Variants in PTPDC1 observed in about 807,000 individuals in gnomAD.
PTPDC1 encodes the protein protein tyrosine phosphatase domain-containing protein 1.
In PTPDC1, 53 loss-of-function variants were observed where a neutral mutation model predicts 75.3. The observed-to-expected ratio is 0.70, with a 90% CI of 0.56 to 0.88. The LOEUF (loss-of-function observed/expected upper bound fraction) is 0.88. Ranked by LOEUF, PTPDC1 falls within the 40% of genes least tolerant of loss-of-function variation. The pLI is 0.00. For missense variants in PTPDC1, 925 were observed against 998.6 expected (o/e 0.93, Z 0.99); for synonymous variants, 349 against 366.2 (o/e 0.95, Z 0.54).
chr9:94,073,557 A>G (rs1232063309), intron 2 of PTPDC1, among the ~76,000 whole-genome samples: 1 of 152,078 alleles, frequency 6.6e-6, no homozygotes, highest in African/African-American at 2.4e-5. Flanking sequence ...TTCTTATATC[A>G]CTGATTTGCA....
rs748813770 is a variant in PTPDC1, at chr9:94,084,620, A to G, written c.90A>G (p.Pro30=). 6.2e-7 allele frequency: 1 copy of G among 1,613,566 alleles called. No individual in the cohort carries two copies. The highest frequency in any genetic ancestry group is 1.7e-4 in the Middle Eastern group (1 of 6,042). Residue 30 remains proline (P), a synonymous_variant, in exon 1 of 9, where the codon CCA becomes CCG. Coordinates refer to ENST00000620992, the MANE Select transcript of PTPDC1 (RefSeq NM_001253829.2). ...GCCGCCGGCACTCCACCTCAGACCCAGTACTGCGGCTGCAGCAGGCCCGGC... is the reference window on the plus strand; with the variant it reads ...GCCGCCGGCACTCCACCTCAGACCCGGTACTGCGGCTGCAGCAGGCCCGGC... ...LQGRRHSTSD[P]VLRLQQARRG...
intron 8 of PTPDC1, 52 bp from the exon 9 acceptor site, chr9:94,107,776 C>T: frequency 1.0e-6 from 1 of 986,046 alleles, no homozygotes; most frequent in Non-Finnish European, 1.5e-6. Context: ...AAAATAGAAA[C>T]TAGTTCAAAT....
chr9:94,075,747 A>G (rs920868020), intron 2 of PTPDC1, among the ~76,000 whole-genome samples: 2 of 152,230 alleles, frequency 1.3e-5, no homozygotes, highest in Non-Finnish European at 2.9e-5. Flanking sequence ...CTACTTGGAC[A>G]GAAACAGAAG....
At chr9:94,035,796 A>G (rs1249077628) in intron 1 of PTPDC1, among the ~76,000 whole-genome samples, 2 of 152,194 alleles carry the variant, frequency 1.3e-5, no homozygotes, top group African/African-American at 4.8e-5. Context: ...ACCCACCAAC[A>G]GGACACAAGG....
intron 1 of PTPDC1, among the ~76,000 whole-genome samples, chr9:94,054,126 G>A (rs1825864550): frequency 6.6e-6 from 1 of 152,196 alleles, no homozygotes; most frequent in Non-Finnish European, 1.5e-5. Context: ...TTACATTCCG[G>A]TAGGACAAGG....
At chr9:94,048,050 C>A (rs959473420) in intron 1 of PTPDC1, among the ~76,000 whole-genome samples, 1 of 151,680 alleles carries the variant, frequency 6.6e-6, no homozygotes, top group African/African-American at 2.4e-5. Context: ...AAGAGGGAAT[C>A]CTCCCTTTAT....
At position 94,097,677 on chromosome 9, in the gene PTPDC1, T is replaced by C; in HGVS notation, c.1111T>C (p.Ser371Pro). 1 of 1,614,184 alleles carries C rather than the reference T, an allele frequency of 6.2e-7. No homozygotes were observed. Among genetic ancestry groups the C allele is most frequent in the South Asian group, 1.1e-5 (1 of 91,082 alleles). Reference protein sequence around the residue: ...MKDVSEGPGLSAEIEKTMSEM... With the variant: ...MKDVSEGPGLPAEIEKTMSEM... ...GGATGTGTCCGAAGGACCTGGTCTCTCTGCTGAAATAGAAAAGACAATGTC... is the reference window on the plus strand; with the variant it reads ...GGATGTGTCCGAAGGACCTGGTCTCCCTGCTGAAATAGAAAAGACAATGTC... Residue 371 changes from serine (S) to proline (P), a missense_variant, in exon 6 of 9, where the codon TCT becomes CCT. Transcript: ENST00000620992.
At chr9:94,087,490 A>C (rs1827118169) in intron 2 of PTPDC1, among the ~76,000 whole-genome samples, 1 of 152,244 alleles carries the variant, frequency 6.6e-6, no homozygotes, top group African/African-American at 2.4e-5. Flanking sequence ...AAAGCAGATA[A>C]ATAAGAATAA....
intron 8 of PTPDC1, among the ~76,000 whole-genome samples, chr9:94,106,936 G>GGTTT (rs112737054): frequency 0.053 from 8,086 of 151,334 alleles, 316 homozygotes; most frequent in African/African-American, 0.12. Flanking sequence ...ATCAAGGTGG[G>GGTTT]GTTTGTTTGT....
At chr9:94,041,252 T>C (rs1587837632) in intron 1 of PTPDC1, among the ~76,000 whole-genome samples, 1 of 152,332 alleles carries the variant, frequency 6.6e-6, no homozygotes, top group Middle Eastern at 3.4e-3. Context: ...CTCTCTGTGA[T>C]TAGTTGCATT....
At chr9:94,058,738 G>A (rs1050179846) in intron 1 of PTPDC1, among the ~76,000 whole-genome samples, 6 of 150,142 alleles carry the variant, frequency 4.0e-5, no homozygotes, top group South Asian at 4.2e-4. Context: ...TAAAAACCCC[G>A]GACATTTTGG....
chr9:94,106,982 C>G (rs569868192), intron 8 of PTPDC1, among the ~76,000 whole-genome samples: 1 of 151,960 alleles, frequency 6.6e-6, no homozygotes, highest in African/African-American at 2.4e-5. Flanking sequence ...GAGACAAGGT[C>G]TCACTCTGTC....
At chr9:94,066,827 C>G (rs1025611083) in intron 2 of PTPDC1, among the ~76,000 whole-genome samples, 1 of 150,822 alleles carries the variant, frequency 6.6e-6, no homozygotes, top group Non-Finnish European at 1.5e-5. Context: ...CAAACTGCTG[C>G]GATTACAGAA....
In PTPDC1 at chr9:94,046,116, G is replaced by T. The variant is rs534958710; in HGVS notation, c.-7+14989G>T. On this transcript the variant is annotated intron_variant, in intron 1 of 9. Coordinates refer to the PTPDC1 transcript ENST00000375360. The stretch of plus-strand genomic sequence containing the variant: ...TTAAATAGGGAATCCTTTCCCCATT[G>T]CTTGTTTTTGTCAGGTTTGTCAAAG... Among the ~76,000 whole-genome samples, 233 of 152,216 alleles carry T rather than the reference G, an allele frequency of 1.5e-3. 1 individual carries two copies. The highest frequency in any genetic ancestry group is 5.4e-3 in the African/African-American group (225 of 41,546).
intron 1 of PTPDC1, among the ~76,000 whole-genome samples, chr9:94,063,604 T>C (rs1194804936): frequency 1.3e-5 from 2 of 152,206 alleles, no homozygotes; most frequent in African/African-American, 4.8e-5. Flanking sequence ...CTTTATCAAA[T>C]AGGATTTTAG....
chr9:94,051,160 C>T (rs564995197), intron 1 of PTPDC1, among the ~76,000 whole-genome samples: 72 of 152,292 alleles, frequency 4.7e-4, no homozygotes, highest in African/African-American at 7.5e-4. Flanking sequence ...TTGCACTTCC[C>T]GGGTGAGGTG....
At chr9:94,095,240 T>TGG in intron 4 of PTPDC1, 77 bp from the exon 5 acceptor site, 8 of 1,109,726 alleles carry the variant, frequency 7.2e-6, no homozygotes, top group Admixed American at 1.9e-5. Flanking sequence ...AGTGTAGATC[T>TGG]GTGTACTTTT....
In PTPDC1 at chr9:94,085,342, T is replaced by C. The variant is rs755436770; in HGVS notation, c.336T>C (p.Cys112=). 6.2e-7 allele frequency: 1 copy of C among 1,614,200 alleles called. No homozygotes were observed. The highest frequency in any genetic ancestry group is 8.5e-7 in the Non-Finnish European group (1 of 1,180,018). The change falls in exon 2 of 9, where the codon TGT becomes TGC. Residue 112 remains cysteine, a synonymous_variant. Transcript: ENST00000620992. ...IPGHMACSMA[C]GGRACKYENP... Reference sequence around the variant, plus strand: ...GACACATGGCATGTTCCATGGCGTGTGGCGGTAGAGCTTGCAAGTATGAGA... The same window carrying C: ...GACACATGGCATGTTCCATGGCGTGCGGCGGTAGAGCTTGCAAGTATGAGA...
At chr9:94,036,922 A>G (rs1335062411) in intron 1 of PTPDC1, among the ~76,000 whole-genome samples, 1 of 152,232 alleles carries the variant, frequency 6.6e-6, no homozygotes, top group Non-Finnish European at 1.5e-5. Flanking sequence ...ACCCTTCAAA[A>G]GGAAAGTTAC....
Sources: allele counts gnomAD v4.1 joint callset (sites outside exome capture counted in the v4.1 genomes callset), GRCh38; gene constraint gnomAD v4.1.1; transcripts MANE v1.5; gene names NCBI Gene and HGNC (gene_info 2026-07-23, HGNC 2026-07-21).